DNAH7: variants seen among roughly 807,000 people sequenced by gnomAD.
The protein encoded by DNAH7 is axonemal beta dynein heavy chain 7.
Under a neutral mutation model 444.6 loss-of-function variants are expected in DNAH7, and 397 were observed. The ratio of observed to expected loss-of-function variants is 0.89; its 90% CI spans 0.82 to 0.97. The LOEUF is 0.97. Ranked by LOEUF, DNAH7 falls within the 50% of genes least tolerant of loss-of-function variation. The probability of loss-of-function intolerance (pLI) is 0.00; values close to 1 mark genes in which losing one functional copy is unlikely to be tolerated. For missense variants in DNAH7, 4,902 were observed against 4,800.8 expected (o/e 1.02, Z -0.62); for synonymous variants, 1,636 against 1,624.4 (o/e 1.01, Z -0.17).
intron 40 of DNAH7, among the ~76,000 whole-genome samples, chr2:195,868,290 G>T (rs1272019835): frequency 6.6e-5 from 10 of 151,414 alleles, no homozygotes. Flanking sequence ...TAGAGACAGG[G>T]TTTCACCATG....
At chr2:195,755,686 C>G (rs978526749) in intron 62 of DNAH7, among the ~76,000 whole-genome samples, 1 of 152,148 alleles carries the variant, frequency 6.6e-6, no homozygotes, top group Non-Finnish European at 1.5e-5. Context: ...CATAGTTAAG[C>G]ACCAATATTA....
rs117758981 is a variant in DNAH7 at position 196,037,266 on chromosome 2, T to C, written c.399-9219A>G. Among the ~76,000 whole-genome samples the C allele has an allele frequency of 1.3e-4, 20 of 152,112 alleles. 1 individual carries two copies. The East Asian group carries it at 3.9e-3, about 29-fold the overall frequency. ...AGAAAAAGTATTTTCCTATGGAAGC[T>C]GCTTCATAAAATTGGAAGAAGTGAC... On this transcript the variant is annotated intron_variant, in intron 5 of 64. Transcript: ENST00000312428.
At chr2:196,022,122 G>A (rs1408695979) in intron 8 of DNAH7, among the ~76,000 whole-genome samples, 2 of 151,886 alleles carry the variant, frequency 1.3e-5, no homozygotes, top group African/African-American at 4.8e-5. Flanking sequence ...GTGAGACCCT[G>A]TCTCGGGAAA....
At chr2:195,939,057 G>A (rs1689247573) in intron 19 of DNAH7, among the ~76,000 whole-genome samples, 1 of 152,040 alleles carries the variant, frequency 6.6e-6, no homozygotes. Flanking sequence ...TCTTGAAAAT[G>A]GGGATAAAAG....
chr2:195,911,486 T>C (rs1687356111), intron 24 of DNAH7, among the ~76,000 whole-genome samples: 1 of 152,002 alleles, frequency 6.6e-6, no homozygotes, highest in African/African-American at 2.4e-5. Flanking sequence ...ACTGATAATT[T>C]TTCAGAATTC....
At chr2:195,929,546 T>G (rs188990788) in intron 21 of DNAH7, among the ~76,000 whole-genome samples, 34 of 152,124 alleles carry the variant, frequency 2.2e-4, no homozygotes, top group African/African-American at 7.9e-4. Flanking sequence ...TGGAACAAAA[T>G]AGGGAGCCCA....
At chr2:196,050,369 C>T (rs1697388092) in intron 3 of DNAH7, among the ~76,000 whole-genome samples, 1 of 151,922 alleles carries the variant, frequency 6.6e-6, no homozygotes, top group Non-Finnish European at 1.5e-5. Flanking sequence ...CATTGTTTAA[C>T]GGACAGGGTT....
At chr2:195,807,843 A>G (rs1035925065) in intron 53 of DNAH7, among the ~76,000 whole-genome samples, 3 of 152,354 alleles carry the variant, frequency 2.0e-5, no homozygotes, top group South Asian at 4.1e-4. Flanking sequence ...TTGTCTCTAG[A>G]AAACATTTTT....
chr2:196,002,581 C>T (rs918987913), intron 10 of DNAH7, among the ~76,000 whole-genome samples: 3 of 152,004 alleles, frequency 2.0e-5, no homozygotes, highest in Admixed American at 6.6e-5. Flanking sequence ...TTTAAATAGT[C>T]AATATAATTT....
At chr2:196,036,982 C>A (rs1028135382) in intron 5 of DNAH7, among the ~76,000 whole-genome samples, 1 of 151,980 alleles carries the variant, frequency 6.6e-6, no homozygotes, top group Non-Finnish European at 1.5e-5. Flanking sequence ...CAGATACTGC[C>A]CTCCATGAGT....
In DNAH7 at chr2:195,923,587, C is replaced by T. The variant is rs1688150301; in HGVS notation, c.3825+8G>A. On this transcript the variant is annotated splice_region_variant and intron_variant, in intron 23 of 64. Transcript: ENST00000312428. Reference sequence around the variant, plus strand: ...CTGTGTAATATAACATTCAGTGATACCACTTACTTGCCAGTAGTACCTAAG... The same window carrying T: ...CTGTGTAATATAACATTCAGTGATATCACTTACTTGCCAGTAGTACCTAAG... 1 of 1,613,244 alleles carries T rather than the reference C, an allele frequency of 6.2e-7. No homozygotes were observed. The highest frequency in any genetic ancestry group is 1.1e-5 in the South Asian group (1 of 91,014).
chr2:195,786,440 A>ACCGC lies in DNAH7; in HGVS notation c.10878+566_10878+569dup, dbSNP rs142366538. Among the ~76,000 whole-genome samples the ACCGC allele has an allele frequency of 3.0e-3, 454 of 152,332 alleles. 1 individual carries two copies. The highest frequency in any genetic ancestry group is 0.011 in the African/African-American group (437 of 41,560). ...GATAAATAGCAAAGAGAGAAAGGGT[A>ACCGC]CCGCCATGCTGCATGTGTATGAGTA... On this transcript the variant is annotated intron_variant, in intron 58 of 64. Coordinates refer to ENST00000312428, the MANE Select transcript of DNAH7 (RefSeq NM_018897.3).
At chr2:195,868,215 C>A (rs1234001846) in intron 40 of DNAH7, among the ~76,000 whole-genome samples, 2 of 150,978 alleles carry the variant, frequency 1.3e-5, no homozygotes, top group African/African-American at 4.9e-5. Flanking sequence ...CCTGCCTCAG[C>A]CTCTCTGAGT....
rs752284228 is a variant in DNAH7, at chr2:195,858,463, G to C, written c.8067+11C>G. 1 of 1,564,694 alleles carries C rather than the reference G, an allele frequency of 6.4e-7. No individual in the cohort carries two copies. Among genetic ancestry groups the C allele is most frequent in the African/African-American group, 1.4e-5 (1 of 73,008 alleles). On this transcript the variant is annotated intron_variant, in intron 43 of 64. Transcript: ENST00000312428. ...ACATGTGTCCTAGAAAGTGTATGGC[G>C]AAGCTCTTACCTGTGCAGTAAGAGT...
chr2:195,957,262 T>A lies in DNAH7; in HGVS notation c.3077A>T (p.Gln1026Leu). Residue 1026 changes from glutamine (Q) to leucine (L), a missense_variant and splice_region_variant, in exon 19 of 65, where the codon CAG becomes CTG. Physicochemically the swap from Gln to Leu is moderately radical, Grantham distance 113. Coordinates refer to ENST00000312428, the MANE Select transcript of DNAH7 (RefSeq NM_018897.3). ...ATTTTTGGAGATTTTTTCACCTACC[T>A]GCATGACACTTCTCATTATATCTCT... ...TWRDIMRSVM[Q>L]DKHVLTVVTI... 1 of 1,512,638 alleles carries A rather than the reference T, an allele frequency of 6.6e-7. No individual in the cohort carries two copies. The highest frequency in any genetic ancestry group is 1.3e-5 in the South Asian group (1 of 77,432). 93.7% of individuals were successfully genotyped at this position (1,512,638 alleles called of 1,614,324 possible).
intron 46 of DNAH7, among the ~76,000 whole-genome samples, chr2:195,850,843 G>A (rs1242607317): frequency 1.3e-5 from 2 of 152,172 alleles, no homozygotes; most frequent in African/African-American, 4.8e-5. Flanking sequence ...TGAGGGACCA[G>A]CCTAAGTTCT....
At chr2:195,780,079 T>C (rs1342188048) in intron 58 of DNAH7, among the ~76,000 whole-genome samples, 3 of 152,174 alleles carry the variant, frequency 2.0e-5, no homozygotes, top group Admixed American at 1.3e-4. Flanking sequence ...CACATTGCAA[T>C]TTATTTTATC....
intron 17 of DNAH7, among the ~76,000 whole-genome samples, chr2:195,962,323 G>A (rs778647711): frequency 2.6e-5 from 4 of 152,110 alleles, no homozygotes; most frequent in Non-Finnish European, 4.4e-5. Context: ...TTTATCCTTC[G>A]TGTTATAAAC....
intron 54 of DNAH7, among the ~76,000 whole-genome samples, chr2:195,801,541 G>T (rs1437256845): frequency 1.3e-5 from 2 of 152,102 alleles, no homozygotes; most frequent in South Asian, 4.1e-4. Flanking sequence ...CGACTGAATA[G>T]CTGCTCAGAT....
Sources: allele counts gnomAD v4.1 joint callset (sites outside exome capture counted in the v4.1 genomes callset), GRCh38; gene constraint gnomAD v4.1.1; transcripts MANE v1.5; gene names NCBI Gene and HGNC (gene_info 2026-07-23, HGNC 2026-07-21).